GRID2: variants seen among roughly 807,000 people sequenced by gnomAD.
The protein encoded by GRID2 is glutamate receptor ionotropic, delta-2.
A neutral mutation model predicts 114.8 loss-of-function variants in GRID2; 33 were observed. The observed-to-expected ratio is 0.29, with a 90% confidence interval of 0.22 to 0.38. GRID2 has a LOEUF of 0.38. Among genes scored for constraint, GRID2 ranks in the 10% least tolerant of loss-of-function variants. The pLI, the probability that GRID2 is intolerant of heterozygous loss-of-function variation, is 1.00. For missense variants in GRID2, 1,184 were observed against 1,257.7 expected (o/e 0.94, Z 0.89); for synonymous variants, 505 against 449.9 (o/e 1.12, Z -1.55).
intron 8 of GRID2, among the ~76,000 whole-genome samples, chr4:93,325,490 T>G (rs946443627): frequency 2.0e-5 from 3 of 152,002 alleles, no homozygotes; most frequent in Admixed American, 6.6e-5. Flanking sequence ...TTTCATTTCT[T>G]ATCTCCCTCT....
chr4:93,442,610 C>CGACAGA (rs768991607), intron 10 of GRID2, among the ~76,000 whole-genome samples: 1 of 151,760 alleles, frequency 6.6e-6, no homozygotes, highest in Non-Finnish European at 1.5e-5. Context: ...AGAGACAGAA[C>CGACAGA]GACAGAGACA....
intron 9 of GRID2, among the ~76,000 whole-genome samples, chr4:93,409,569 G>C (rs1410886046): frequency 1.3e-5 from 2 of 152,118 alleles, no homozygotes; most frequent in Non-Finnish European, 2.9e-5. Context: ...TTTAGGTATA[G>C]TAGAAAGAGA....
intron 1 of GRID2, among the ~76,000 whole-genome samples, chr4:93,805,338 T>A (rs781630732): frequency 6.6e-6 from 1 of 152,236 alleles, no homozygotes; most frequent in Non-Finnish European, 1.5e-5. Flanking sequence ...GAGAGGTAGA[T>A]AAAATGCAGT....
intron 14 of GRID2, among the ~76,000 whole-genome samples, chr4:93,716,457 TC>T (rs1261105731): frequency 6.6e-6 from 1 of 152,146 alleles, no homozygotes; most frequent in Non-Finnish European, 1.5e-5. Context: ...ATTAAATATT[TC>T]AACACTATTG....
At chr4:93,097,640 T>C (rs780261641) in intron 3 of GRID2, among the ~76,000 whole-genome samples, 1 of 151,974 alleles carries the variant, frequency 6.6e-6, no homozygotes, top group Non-Finnish European at 1.5e-5. Flanking sequence ...TGTTCCTTGA[T>C]GAGGCATCTG....
chr4:93,502,383 T>A (rs1728194941), intron 12 of GRID2, among the ~76,000 whole-genome samples: 1 of 151,992 alleles, frequency 6.6e-6, no homozygotes, highest in Non-Finnish European at 1.5e-5. Flanking sequence ...ACTATACCAA[T>A]GAGATATCTT....
chr4:92,505,276 T>C (rs1405500288), intron 1 of GRID2, among the ~76,000 whole-genome samples: 1 of 152,046 alleles, frequency 6.6e-6, no homozygotes, highest in Admixed American at 6.6e-5. Context: ...AAGAATGCTG[T>C]CCATAACTTT....
intron 1 of GRID2, among the ~76,000 whole-genome samples, chr4:92,570,990 A>T (rs887241973): frequency 6.6e-6 from 1 of 152,052 alleles, no homozygotes; most frequent in African/African-American, 2.4e-5. Flanking sequence ...TATGTTGAAT[A>T]GGAGTTTTGA....
At chr4:92,732,575 T>C (rs1016754915) in intron 2 of GRID2, among the ~76,000 whole-genome samples, 6 of 152,080 alleles carry the variant, frequency 3.9e-5, no homozygotes, top group Non-Finnish European at 8.8e-5. Context: ...TTGTGGTAAG[T>C]GACTCTAGTT....
At chr4:93,564,752 T>C (rs1735250292) in intron 13 of GRID2, among the ~76,000 whole-genome samples, 1 of 151,982 alleles carries the variant, frequency 6.6e-6, no homozygotes, top group Admixed American at 6.6e-5. Flanking sequence ...GAGCTAGCTT[T>C]TGCCAAAAAT....
chr4:93,420,923 T>C (rs193209571), intron 9 of GRID2, among the ~76,000 whole-genome samples: 20 of 152,048 alleles, frequency 1.3e-4, no homozygotes, highest in Admixed American at 1.2e-3. Flanking sequence ...CCAGCTACTT[T>C]TTTGTATTTT....
chr4:93,418,068 C>T (rs1156773821), intron 9 of GRID2, among the ~76,000 whole-genome samples: 1 of 150,756 alleles, frequency 6.6e-6, no homozygotes, highest in South Asian at 2.1e-4. Context: ...ATATAAGTAG[C>T]TCTGTATGCT....
chr4:93,591,250 G>C (rs898221614), intron 13 of GRID2, among the ~76,000 whole-genome samples: 2 of 151,612 alleles, frequency 1.3e-5, no homozygotes, highest in African/African-American at 4.8e-5. Context: ...AATTTATTGA[G>C]AGTTTTTAGC....
At chr4:92,634,875 G>A (rs76214299) in intron 2 of GRID2, among the ~76,000 whole-genome samples, 21 of 146,620 alleles carry the variant, frequency 1.4e-4, no homozygotes, top group African/African-American at 1.6e-4. Context: ...GAGAGAGAGA[G>A]AGAAAGAGAG....
At chr4:93,630,277 A>G (rs1743125823) in intron 14 of GRID2, among the ~76,000 whole-genome samples, 1 of 152,138 alleles carries the variant, frequency 6.6e-6, no homozygotes, top group Non-Finnish European at 1.5e-5. Flanking sequence ...TTGTCATCAG[A>G]TGTTTTATGT....
chr4:92,930,502 C>G (rs1750142502), intron 2 of GRID2, among the ~76,000 whole-genome samples: 1 of 149,596 alleles, frequency 6.7e-6, no homozygotes. Flanking sequence ...ATTTAATAAG[C>G]AAACTGCACT....
At chr4:92,837,483 A>C (rs904209329) in intron 2 of GRID2, among the ~76,000 whole-genome samples, 22 of 152,030 alleles carry the variant, frequency 1.4e-4, no homozygotes, top group Non-Finnish European at 1.2e-4. Flanking sequence ...AGGTTAAAAA[A>C]AAAAAAAAAG....
At chr4:93,578,542 T>C (rs28739273) in intron 13 of GRID2, among the ~76,000 whole-genome samples, 29,457 of 150,806 alleles carry the variant, frequency 0.2, 3,349 homozygotes, top group Non-Finnish European at 0.26. Context: ...AGCTGATATA[T>C]AGGTATCACA....
chr4:92,456,501 G>C (rs543616177), intron 1 of GRID2, among the ~76,000 whole-genome samples: 1 of 152,108 alleles, frequency 6.6e-6, no homozygotes, highest in Admixed American at 6.6e-5. Flanking sequence ...CAAACCTACA[G>C]TGTTGGTGTT....
Sources: gnomAD v4.1 joint callset for allele counts (sites outside exome capture counted in the v4.1 genomes callset) on GRCh38, gnomAD v4.1.1 for gene constraint, MANE v1.5 for transcripts, NCBI Gene and HGNC (gene_info 2026-07-23, HGNC 2026-07-21) for gene names.